Variants in GRIP1 observed in about 807,000 individuals in gnomAD.
GRIP1 encodes glutamate receptor-interacting protein 1.
A neutral mutation model predicts 129.9 loss-of-function variants in GRIP1; 45 were observed. The observed-to-expected ratio is 0.35, with a 90% confidence interval of 0.27 to 0.44. The LOEUF (loss-of-function observed/expected upper bound fraction) is 0.44. GRIP1 is among the 20% of genes least tolerant of loss of function. The pLI is 1.00. For synonymous variants in GRIP1, 530 were observed against 520.8 expected (o/e 1.02, Z -0.24); for missense variants, 1,196 against 1,396.8 (o/e 0.86, Z 2.29).
At chr12:66,486,729 G>A (rs1266494327) in intron 7 of GRIP1, among the ~76,000 whole-genome samples, 1 of 152,038 alleles carries the variant, frequency 6.6e-6, no homozygotes, top group East Asian at 1.9e-4. Context: ...AGTCTTGGGT[G>A]TGTCTTCATC....
chr12:67,060,484 CATGTAG>C (rs1189790717), intron 1 of GRIP1, among the ~76,000 whole-genome samples: 13 of 152,220 alleles, frequency 8.5e-5, no homozygotes, highest in African/African-American at 3.1e-4. Context: ...CAGCAGTTTA[CATGTAG>C]TTATATGTTA....
chr12:67,007,887 T>A (rs1385032243), intron 1 of GRIP1, among the ~76,000 whole-genome samples: 1 of 152,084 alleles, frequency 6.6e-6, no homozygotes, highest in Non-Finnish European at 1.5e-5. Context: ...ACAATGTGCA[T>A]CAACATCTCT....
chr12:66,571,907 T>C (rs1364873118), intron 2 of GRIP1, among the ~76,000 whole-genome samples: 1 of 152,204 alleles, frequency 6.6e-6, no homozygotes, highest in East Asian at 1.9e-4. Flanking sequence ...AGTGTTTGCA[T>C]ATGAGGCACA....
At chr12:66,897,550 A>C (rs924779317) in intron 1 of GRIP1, among the ~76,000 whole-genome samples, 14 of 152,216 alleles carry the variant, frequency 9.2e-5, no homozygotes, top group African/African-American at 3.1e-4. Flanking sequence ...ATATGCTTCA[A>C]AGACCAACCT....
intron 7 of GRIP1, among the ~76,000 whole-genome samples, chr12:66,479,938 T>A (rs919795403): frequency 2.0e-5 from 3 of 152,076 alleles, no homozygotes; most frequent in African/African-American, 7.2e-5. Context: ...TAAGAGCTAT[T>A]TATGACAAAC....
At chr12:66,946,657 C>T (rs1247519406) in intron 1 of GRIP1, among the ~76,000 whole-genome samples, 1 of 151,558 alleles carries the variant, frequency 6.6e-6, no homozygotes, top group African/African-American at 2.4e-5. Flanking sequence ...AAAGACTGCA[C>T]TGCACACACA....
Position 67,029,570 on chromosome 12 carries a change from C to A in GRIP1, c.58+39480G>T, listed in dbSNP as rs542358365. ...CTCTAGCCTAGGCAACAGAGCAAGACCCTGACTCAAAAAAAAAAAAAAAAA... is the reference window on the plus strand; with the variant it reads ...CTCTAGCCTAGGCAACAGAGCAAGAACCTGACTCAAAAAAAAAAAAAAAAA... On this transcript the variant is annotated intron_variant, in intron 1 of 1. Coordinates refer to the GRIP1 transcript ENST00000643019. Among the ~76,000 whole-genome samples the A allele has an allele frequency of 1.1e-4, 12 of 105,112 alleles. No individual in the cohort carries two copies. In the East Asian group the frequency reaches 2.5e-3, roughly 22 times the overall value. 69.0% of individuals were successfully genotyped at this position (105,112 alleles called of 152,430 possible).
chr12:66,369,115 G>T (rs770941008), intron 23 of GRIP1, among the ~76,000 whole-genome samples: 1 of 152,168 alleles, frequency 6.6e-6, no homozygotes, highest in Non-Finnish European at 1.5e-5. Context: ...AGAAAAAAAA[G>T]TGAAGCTTCA....
At chr12:66,500,789 C>T (rs1272654118) in intron 7 of GRIP1, among the ~76,000 whole-genome samples, 1 of 152,164 alleles carries the variant, frequency 6.6e-6, no homozygotes, top group Non-Finnish European at 1.5e-5. Context: ...CTGGCTTTTC[C>T]ATTTCCTATT....
chr12:66,557,551 T>C (rs1449738146), intron 2 of GRIP1, among the ~76,000 whole-genome samples: 1 of 152,180 alleles, frequency 6.6e-6, no homozygotes, highest in Non-Finnish European at 1.5e-5. Flanking sequence ...TCCTCGAGAA[T>C]AGATCATATG....
chr12:66,445,410 T>C lies in GRIP1; in HGVS notation c.1453A>G (p.Ile485Val). 6.2e-7 allele frequency: 1 copy of C among 1,614,136 alleles called. No homozygotes were observed. The highest frequency in any genetic ancestry group is 2.2e-5 in the East Asian group (1 of 44,886). ...GCAAACACACTGCCCTGCAGTTGGA[T>C]CCCAAATCCTGTGACAGGATCTGCC... ...LTADPVTGFGIQLQGSVFATE... is the reference protein window; with the variant it reads ...LTADPVTGFGVQLQGSVFATE... Residue 485 changes from isoleucine (I) to valine (V), a missense_variant, in exon 12 of 25, where the codon ATC becomes GTC. Around this residue, in one of 5 missense-constraint regions of GRIP1, gnomAD observed 508 missense variants for 587.0 expected, o/e 0.87. Transcript: ENST00000359742.
chr12:66,362,217 G>A (rs1228121114), intron 23 of GRIP1, among the ~76,000 whole-genome samples: 1 of 133,156 alleles, frequency 7.5e-6, no homozygotes, highest in Admixed American at 7.7e-5. Flanking sequence ...GCAGTGGTGT[G>A]ATCTCGGCTC....
At chr12:67,068,478 C>T (rs1006014700) in intron 1 of GRIP1, among the ~76,000 whole-genome samples, 2 of 151,988 alleles carry the variant, frequency 1.3e-5, no homozygotes, top group Non-Finnish European at 1.5e-5. Context: ...TTCCCCTCCT[C>T]TCCCCTTCTA....
chr12:66,748,056 T>C (rs867173687), intron 1 of GRIP1, among the ~76,000 whole-genome samples: 136 of 152,216 alleles, frequency 8.9e-4, no homozygotes, highest in African/African-American at 3.1e-3. Context: ...TCTTGCTCTG[T>C]TGCCCAGGCT....
At chr12:66,787,598 C>A (rs1195406132) in intron 1 of GRIP1, among the ~76,000 whole-genome samples, 2 of 152,034 alleles carry the variant, frequency 1.3e-5, no homozygotes, top group African/African-American at 4.8e-5. Flanking sequence ...GGGATCAGTG[C>A]CCTTATAAAA....
intron 1 of GRIP1, among the ~76,000 whole-genome samples, chr12:67,005,565 G>A (rs2042614129): frequency 6.6e-6 from 1 of 152,182 alleles, no homozygotes; most frequent in Non-Finnish European, 1.5e-5. Context: ...AAGCTACCAG[G>A]ACTAGAAGTA....
chr12:66,425,478 T>C (rs1028239165), intron 14 of GRIP1, among the ~76,000 whole-genome samples: 9 of 152,136 alleles, frequency 5.9e-5, no homozygotes, highest in Non-Finnish European at 1.3e-4. Flanking sequence ...ACTGGGTATA[T>C]ACCCAAAGGA....
chr12:66,662,315 A>G (rs1402032770), intron 1 of GRIP1, among the ~76,000 whole-genome samples: 1 of 151,974 alleles, frequency 6.6e-6, no homozygotes, highest in Non-Finnish European at 1.5e-5. Context: ...CTTCCTCTGA[A>G]GTCTCTCTCT....
In GRIP1 at chr12:66,496,633, T is replaced by TA. The variant is rs1356714495; in HGVS notation, c.724+18985dup. Among the ~76,000 whole-genome samples the TA allele has an allele frequency of 5.3e-5, 8 of 152,302 alleles. No individual in the cohort carries two copies. The East Asian group carries it at 5.8e-4, about 11-fold the overall frequency. On this transcript the variant is annotated intron_variant, in intron 7 of 24. Coordinates refer to ENST00000359742, the MANE Select transcript of GRIP1 (RefSeq NM_001366722.1). ...GAATCTCCAGACTAATATTTACTGTTAGACTCTGGAGCTATAGTGCTCCTG... is the reference window on the plus strand; with the variant it reads ...GAATCTCCAGACTAATATTTACTGTTAAGACTCTGGAGCTATAGTGCTCCTG...
Sources: gnomAD v4.1 joint callset for allele counts (sites outside exome capture counted in the v4.1 genomes callset) on GRCh38, gnomAD v4.1.1 for gene constraint, gnomAD v4.1.1 regional missense constraint, MANE v1.5 for transcripts, NCBI Gene and HGNC (gene_info 2026-07-23, HGNC 2026-07-21) for gene names.